The following TENM3 variants were observed in gnomAD, a reference collection of about 807,000 sequenced individuals.
The protein encoded by TENM3 is teneurin-3.
Under a neutral mutation model 255.1 loss-of-function variants are expected in TENM3, and 63 were observed. The ratio of observed to expected loss-of-function variants is 0.25; its 90% CI spans 0.20 to 0.30. TENM3 has a LOEUF of 0.30. TENM3 is among the 10% of genes least tolerant of loss of function. TENM3 has a pLI of 1.00. For missense variants in TENM3, 2,929 were observed against 3,461.1 expected, an observed-to-expected ratio of 0.85 and a Z score of 3.86; for synonymous variants, 1,306 against 1,322.3, an observed-to-expected ratio of 0.99 and a Z score of 0.27.
At chr4:181,608,859 A>G in the TENM3 span, among the ~76,000 whole-genome samples, 1 of 152,216 alleles carries the variant, frequency 6.6e-6, no homozygotes, top group Non-Finnish European at 1.5e-5. Context: ...TTCAAAAAGC[A>G]TGTGCTATTT....
chr4:182,183,900 T>C (rs1297829918), intron 1 of TENM3, among the ~76,000 whole-genome samples: 1 of 152,188 alleles, frequency 6.6e-6, no homozygotes, highest in East Asian at 1.9e-4. Flanking sequence ...TGTCTGAGTT[T>C]AGTAAAGTTA....
chr4:182,209,768 T>A (rs1415506731), intron 1 of TENM3, among the ~76,000 whole-genome samples: 4 of 151,958 alleles, frequency 2.6e-5, no homozygotes, highest in Non-Finnish European at 1.5e-5. Flanking sequence ...GTAGATGGAA[T>A]CTGAAGGTGC....
At chr4:181,710,891 A>G in the TENM3 span, among the ~76,000 whole-genome samples, 546 of 135,834 alleles carry the variant, frequency 4.0e-3, no homozygotes, top group Non-Finnish European at 7.0e-3. Context: ...GAAAAAAAGA[A>G]AAAAAAAAAA....
At chr4:182,628,578 A>C (rs1408229697) in intron 4 of TENM3, 73 bp from the exon 5 acceptor site, 10 of 945,776 alleles carry the variant, frequency 1.1e-5, no homozygotes, top group Non-Finnish European at 1.5e-5. Context: ...AGGAGAGCTA[A>C]ATGCATCGCT....
At chr4:182,562,804 A>G (rs1743340514) in intron 3 of TENM3, among the ~76,000 whole-genome samples, 2 of 152,090 alleles carry the variant, frequency 1.3e-5, no homozygotes, top group African/African-American at 4.8e-5. Flanking sequence ...ACCGTGCCTA[A>G]TTCTCTTCTG....
chr4:182,698,414 A>G (rs1166689497), intron 12 of TENM3, among the ~76,000 whole-genome samples: 7 of 152,168 alleles, frequency 4.6e-5, no homozygotes, highest in Admixed American at 3.3e-4. Context: ...CGTGTGAGTC[A>G]TACGATGACG....
chr4:182,338,488 AG>A (rs1237047521), intron 2 of TENM3, among the ~76,000 whole-genome samples: 6 of 152,054 alleles, frequency 3.9e-5, no homozygotes, highest in African/African-American at 7.2e-5. Flanking sequence ...ATTTTGGGGG[AG>A]GGGGAGGCAG....
At chr4:181,809,900 G>A in the TENM3 span, among the ~76,000 whole-genome samples, 5 of 152,122 alleles carry the variant, frequency 3.3e-5, no homozygotes, top group Admixed American at 1.3e-4. Context: ...CACTCTCCCC[G>A]GAGCCCCCAG....
intron 3 of TENM3, among the ~76,000 whole-genome samples, chr4:182,354,145 C>T (rs1466158026): frequency 1.3e-5 from 2 of 152,120 alleles, no homozygotes; most frequent in Non-Finnish European, 1.5e-5. Context: ...GTTTGCTATG[C>T]TTCACATGGA....
chr4:181,853,858 G>A, the TENM3 span, among the ~76,000 whole-genome samples: 55 of 152,334 alleles, frequency 3.6e-4, no homozygotes, highest in African/African-American at 1.3e-3. Context: ...TATGCTGAAC[G>A]ATCTTGATAA....
intron 3 of TENM3, among the ~76,000 whole-genome samples, chr4:182,598,397 A>G (rs957386565): frequency 6.6e-6 from 1 of 152,212 alleles, no homozygotes; most frequent in African/African-American, 2.4e-5. Flanking sequence ...TGGCAAGAGC[A>G]TGGATCCTCG....
At chr4:182,647,515 T>C (rs948571346) in intron 5 of TENM3, among the ~76,000 whole-genome samples, 1 of 152,230 alleles carries the variant, frequency 6.6e-6, no homozygotes, top group African/African-American at 2.4e-5. Context: ...TAACGTGAAG[T>C]CCTCAAGGTT....
In TENM3 at chr4:182,226,080, A is replaced by G. The variant is rs113204552; in HGVS notation, c.-76+81326A>G. On this transcript the variant is annotated intron_variant, in intron 1 of 2. Coordinates refer to the TENM3 transcript ENST00000512480. Reference sequence around the variant, plus strand: ...GTTTGTGAGTTTTCTTATTCCATCCATTTCCTTGTTGGAGATTTTAATCTG... The same window carrying G: ...GTTTGTGAGTTTTCTTATTCCATCCGTTTCCTTGTTGGAGATTTTAATCTG... Among the ~76,000 whole-genome samples the G allele has an allele frequency of 2.9e-3, 443 of 152,112 alleles. 1 individual carries two copies. The highest frequency in any genetic ancestry group is 0.01 in the African/African-American group (426 of 41,482).
chr4:181,811,759 C>G, the TENM3 span, among the ~76,000 whole-genome samples: 2 of 152,140 alleles, frequency 1.3e-5, no homozygotes, highest in African/African-American at 2.4e-5. Flanking sequence ...GGAAATCACC[C>G]ACGTGATTCA....
chr4:182,657,659 A>G (rs1213052232), intron 6 of TENM3, among the ~76,000 whole-genome samples: 1 of 151,614 alleles, frequency 6.6e-6, no homozygotes, highest in Non-Finnish European at 1.5e-5. Context: ...TTGTTTATTT[A>G]TTTACTTATT....
chr4:182,529,377 G>A (rs1164627394), intron 3 of TENM3, among the ~76,000 whole-genome samples: 2 of 152,082 alleles, frequency 1.3e-5, no homozygotes, highest in African/African-American at 4.8e-5. Context: ...GTTCAACATC[G>A]ATTTTTCATT....
chr4:181,671,987 T>C, the TENM3 span, among the ~76,000 whole-genome samples: 2 of 152,216 alleles, frequency 1.3e-5, no homozygotes, highest in Non-Finnish European at 2.9e-5. Flanking sequence ...AAAGATAACA[T>C]CTCTTGAAAT....
chr4:182,015,588 TCTCA>T, the TENM3 span, among the ~76,000 whole-genome samples: 1 of 145,194 alleles, frequency 6.9e-6, no homozygotes, highest in African/African-American at 2.5e-5. Context: ...TTAGACAGGG[TCTCA>T]CTCTGTCGCC....
At chr4:182,080,598 A>C in the TENM3 span, among the ~76,000 whole-genome samples, 1 of 152,224 alleles carries the variant, frequency 6.6e-6, no homozygotes, top group Admixed American at 6.5e-5. Flanking sequence ...GTACTATCCA[A>C]CATTCATAAA....
Sources: gnomAD v4.1 joint callset for allele counts (sites outside exome capture counted in the v4.1 genomes callset) on GRCh38, gnomAD v4.1.1 for gene constraint, MANE v1.5 for transcripts, NCBI Gene and HGNC (gene_info 2026-07-23, HGNC 2026-07-21) for gene names.